The following ASAP2 variants were observed in gnomAD, a reference collection of about 807,000 sequenced individuals.
ASAP2 encodes ArfGAP with SH3 domain, ankyrin repeat and PH domain 2.
Under a neutral mutation model 131.4 loss-of-function variants are expected in ASAP2, and 45 were observed. The observed-to-expected ratio is 0.34, with a 90% confidence interval of 0.27 to 0.44. The LOEUF is 0.44. Among genes scored for constraint, ASAP2 ranks in the 20% least tolerant of loss-of-function variants. The probability of loss-of-function intolerance (pLI) is 1.00; values close to 1 mark genes in which losing one functional copy is unlikely to be tolerated. For synonymous variants in ASAP2, 510 were observed against 503.0 expected (o/e 1.01, Z -0.19); for missense variants, 1,011 against 1,297.0 (o/e 0.78, Z 3.39).
At position 9,354,490 on chromosome 2, in the gene ASAP2, G is replaced by A. The variant is rs1420259945; in HGVS notation, c.1112-1557G>A. ...TTTTACACGTCAGAATGCAGAAATT[G>A]GCCAGGTGCGGTGGCCCACGCCTGT... On this transcript the variant is annotated intron_variant, in intron 12 of 27. Coordinates refer to ENST00000281419, the MANE Select transcript of ASAP2 (RefSeq NM_003887.3). Among the ~76,000 whole-genome samples the A allele has an allele frequency of 3.3e-5, 5 of 152,156 alleles. No individual in the cohort carries two copies. In the East Asian group the frequency reaches 9.7e-4, roughly 29 times the overall value.
intron 18 of ASAP2, 64 bp from the exon 19 acceptor site, chr2:9,378,880 G>C: frequency 8.3e-7 from 1 of 1,204,892 alleles, no homozygotes; most frequent in South Asian, 2.8e-5. Flanking sequence ...CTCCCTGCCG[G>C]GCAGTCCCTG....
rs140136482 is a variant in ASAP2 at position 9,385,762 on chromosome 2, G to A, written c.2130+404G>A. ...AAAACATCAACTGAAATCATCAGAC[G>A]ACCTTTAGAGCTCACTGGGTCCAAC... On this transcript the variant is annotated intron_variant, in intron 21 of 27. Coordinates refer to ENST00000281419, the MANE Select transcript of ASAP2 (RefSeq NM_003887.3). 3.8e-3 allele frequency among the ~76,000 whole-genome samples: 578 copies of A among 152,252 alleles called. 3 individuals are homozygous for A. Among genetic ancestry groups the A allele is most frequent in the African/African-American group, 0.013 (547 of 41,544 alleles).
intron 6 of ASAP2, 145 bp from the exon 7 acceptor site, chr2:9,327,681 C>A: frequency 1.8e-6 from 1 of 570,444 alleles, no homozygotes. Context: ...GTTACGGAAT[C>A]CAGGCGATAC....
At chr2:9,400,902 G>A in intron 26 of ASAP2, 72 bp downstream of exon 26, 2 of 1,438,228 alleles carry the variant, frequency 1.4e-6, no homozygotes, top group South Asian at 1.2e-5. Context: ...CAAGGGCTCA[G>A]GGGAAGCAAG....
At chr2:9,387,586 G>A (rs752811922) in intron 21 of ASAP2, among the ~76,000 whole-genome samples, 1 of 152,170 alleles carries the variant, frequency 6.6e-6, no homozygotes, top group Non-Finnish European at 1.5e-5. Context: ...CCACCCTGTG[G>A]GGTAGCATAA....
Position 9,400,837 on chromosome 2 carries a change from G to C in ASAP2, c.2823+7G>C, listed in dbSNP as rs764742198. 1 of 1,612,324 alleles carries C rather than the reference G, an allele frequency of 6.2e-7. No individual in the cohort carries two copies. The highest frequency in any genetic ancestry group is 2.2e-5 in the East Asian group (1 of 44,852). Reference sequence around the variant, plus strand: ...GCCTAGGAAGTCGCAGGCAGTAAGTGACGAGCCCCCTTTCCTGCCTCTCTG... The same window carrying C: ...GCCTAGGAAGTCGCAGGCAGTAAGTCACGAGCCCCCTTTCCTGCCTCTCTG... On this transcript the variant is annotated splice_region_variant and intron_variant, in intron 26 of 27. Coordinates refer to ENST00000281419, the MANE Select transcript of ASAP2 (RefSeq NM_003887.3).
At chr2:9,397,750 A>ATATATATATATATATTTTT (rs1343127000) in intron 24 of ASAP2, among the ~76,000 whole-genome samples, 1 of 44,808 alleles carries the variant, frequency 2.2e-5, no homozygotes, top group African/African-American at 1.7e-4. Context: ...ATATATATAT[A>ATATATATATATATATTTTT]TTTTTTTTTT....
intron 15 of ASAP2, among the ~76,000 whole-genome samples, chr2:9,364,908 C>G (rs560786818): frequency 1.3e-5 from 2 of 152,188 alleles, no homozygotes; most frequent in Admixed American, 1.3e-4. Context: ...TAAAAAAAGA[C>G]CAGAGAGGTT....
At chr2:9,276,659 T>G (rs1358002298) in intron 1 of ASAP2, among the ~76,000 whole-genome samples, 2 of 152,088 alleles carry the variant, frequency 1.3e-5, no homozygotes, top group African/African-American at 4.8e-5. Flanking sequence ...TGCCTCAGCC[T>G]CCTGAGTAGC....
In ASAP2 at chr2:9,207,282, C is replaced by G; in HGVS notation, c.126+52C>G. 6.8e-7 allele frequency: 1 copy of G among 1,469,072 alleles called. No homozygotes were observed. Among genetic ancestry groups the G allele is most frequent in the Non-Finnish European group, 9.0e-7 (1 of 1,114,818 alleles). 91.0% of individuals were successfully genotyped at this position (1,469,072 alleles called of 1,614,324 possible). A position where few individuals can be genotyped will look rare whatever the true frequency, so the allele number is the denominator to read the frequency against. On this transcript the variant is annotated intron_variant, in intron 1 of 27. Transcript: ENST00000281419. This position sits in a 1 kb window ranked among gnomAD's most constrained non-coding sequence, Gnocchi z 4.1. ...GCCGCAGGTATCCCGCGCCCCAGCC[C>G]CGCCCGCCGCTCCCGCATCCGCATC...
At chr2:9,372,407 A>G (rs989551583) in intron 16 of ASAP2, among the ~76,000 whole-genome samples, 8 of 152,196 alleles carry the variant, frequency 5.3e-5, no homozygotes, top group Non-Finnish European at 4.4e-5. Flanking sequence ...TTCAGTGTAC[A>G]GTAAATCCTG....
chr2:9,363,577 T>TA (rs754177986), intron 15 of ASAP2, among the ~76,000 whole-genome samples: 37 of 152,204 alleles, frequency 2.4e-4, no homozygotes, highest in Admixed American at 5.9e-4. Flanking sequence ...GTTGGTCATT[T>TA]GTAGGTCTTC....
At chr2:9,337,309 C>T (rs533536804) in intron 9 of ASAP2, among the ~76,000 whole-genome samples, 1 of 152,312 alleles carries the variant, frequency 6.6e-6, no homozygotes, top group African/African-American at 2.4e-5. Flanking sequence ...GTTGGACAAT[C>T]TTTGAACACA....
At chr2:9,306,284 G>C (rs527236485) in intron 3 of ASAP2, among the ~76,000 whole-genome samples, 7 of 151,600 alleles carry the variant, frequency 4.6e-5, no homozygotes, top group Non-Finnish European at 1.0e-4. Flanking sequence ...AGAGATACCG[G>C]GTGGGAGGGC....
intron 7 of ASAP2, among the ~76,000 whole-genome samples, chr2:9,328,434 G>A (rs1670614540): frequency 6.6e-6 from 1 of 152,090 alleles, no homozygotes; most frequent in Admixed American, 6.5e-5. Context: ...GGCTCTTTTT[G>A]TAGAGGGACA....
At position 9,356,182 on chromosome 2, in the gene ASAP2, G is replaced by C; in HGVS notation, c.1164G>C (p.Trp388Cys). Residue 388 changes from tryptophan (W) to cysteine (C), a missense_variant, in exon 14 of 28, where the codon TGG becomes TGC. Trp to Cys is a radical substitution (Grantham distance 215). Around this residue, in one of 2 missense-constraint regions of ASAP2, gnomAD observed 359 missense variants for 598.1 expected, o/e 0.60. Transcript: ENST00000281419. The part of the protein sequence containing the change: ...QAEDEQECQI[W>C]MSVLQNSKEE... ...AGCGTTGCTCTTGTTTTTCTAGATGGATGTCTGTGCTGCAAAATAGCAAAG... is the reference window on the plus strand; with the variant it reads ...AGCGTTGCTCTTGTTTTTCTAGATGCATGTCTGTGCTGCAAAATAGCAAAG... The C allele has an allele frequency of 1.9e-6, 3 of 1,614,076 alleles. No homozygotes were observed. Among genetic ancestry groups the C allele is most frequent in the Non-Finnish European group, 2.5e-6 (3 of 1,179,914 alleles).
rs1333526580 is a variant in ASAP2 at position 9,304,553 on chromosome 2, TGTG to T, written c.345+7110_345+7112del. Among the ~76,000 whole-genome samples the T allele has an allele frequency of 2.8e-5, 4 of 145,026 alleles. No homozygotes were observed. The East Asian group carries it at 8.5e-4, about 31-fold the overall frequency. ...TGTACATAGGTGGGAGGGCTGCAGT[TGTG>T]GGGGTGTAGATACAGGGTGGAGAGG... is the stretch of plus-strand genomic sequence containing the variant. On this transcript the variant is annotated intron_variant, in intron 3 of 27. Transcript: ENST00000281419.
At chr2:9,303,437 TG>T (rs1248952100) in intron 3 of ASAP2, among the ~76,000 whole-genome samples, 1 of 152,212 alleles carries the variant, frequency 6.6e-6, no homozygotes, top group African/African-American at 2.4e-5. Context: ...CAAGGTGACT[TG>T]GCTTGTTAGA....
In ASAP2 at chr2:9,318,525, T is replaced by C; in HGVS notation, c.347T>C (p.Ile116Thr). The C allele has an allele frequency of 6.2e-7, 1 of 1,612,334 alleles. No homozygotes were observed. The highest frequency in any genetic ancestry group is 1.3e-5 in the African/African-American group (1 of 74,982). ...KELTALFKNL[I>T]QNMNNIISFP... The stretch of plus-strand genomic sequence containing the variant: ...TCTCCTTTTGTTTTTGTTTTTTAGA[T>C]TCAGAATATGAACAACATAATCTCC... The change falls in exon 4 of 28, where the codon ATT (isoleucine) becomes ACT (threonine). Residue 116 changes from isoleucine (I) to threonine (T), a missense_variant and splice_region_variant. By Grantham distance (89) the Ile-to-Thr change is moderately conservative. Coordinates refer to ENST00000281419, the MANE Select transcript of ASAP2 (RefSeq NM_003887.3).
Sources: gnomAD v4.1 joint callset for allele counts (sites outside exome capture counted in the v4.1 genomes callset) on GRCh38, gnomAD v4.1.1 for gene constraint, gnomAD v4.1.1 regional missense constraint, Gnocchi (gnomAD v3.1) non-coding constraint, MANE v1.5 for transcripts, NCBI Gene and HGNC (gene_info 2026-07-23, HGNC 2026-07-21) for gene names.